Variants in ANOS1 observed in about 807,000 individuals in gnomAD.
ANOS1 encodes anosmin 1, also known as anosmin-1.
ANOS1 carries 6 observed loss-of-function variants against 59.0 expected under a neutral mutation model. That is an observed-to-expected ratio of 0.10 (90% CI 0.06 to 0.20). ANOS1 has a LOEUF of 0.20. ANOS1 is among the 10% of genes least tolerant of loss of function. ANOS1 has a pLI of 1.00. For missense variants in ANOS1, 433 were observed against 542.3 expected (o/e 0.80, Z 2.00); for synonymous variants, 217 against 223.4 (o/e 0.97, Z 0.25).
intron 1 of ANOS1, among the ~76,000 whole-genome samples, chrX:8,720,148 C>T (rs186663709): frequency 8.9e-6 from 1 of 111,827 alleles, no homozygotes; most frequent in East Asian, 2.8e-4. Flanking sequence ...AAAACCCAAA[C>T]AAAAGGCAAT....
At chrX:8,541,441 T>A (rs147884357) in intron 9 of ANOS1, among the ~76,000 whole-genome samples, 583 of 56,323 alleles carry the variant, frequency 0.01, 3 homozygotes, top group Non-Finnish European at 0.014. Flanking sequence ...AACAAAAAAA[T>A]AAAACAAAAA....
chrX:8,619,382 GATC>G (rs1261014719), intron 3 of ANOS1, among the ~76,000 whole-genome samples: 123 of 111,695 alleles, frequency 1.1e-3, no homozygotes, highest in Non-Finnish European at 1.4e-3. Context: ...AAGGCGGGCG[GATC>G]ACAAGGTCAG....
intron 3 of ANOS1, among the ~76,000 whole-genome samples, chrX:8,620,073 C>G (rs894321014): frequency 8.9e-6 from 1 of 112,157 alleles, no homozygotes; most frequent in Admixed American, 9.5e-5. Context: ...GCTGATATTA[C>G]AGGCATTAGC....
chrX:8,715,443 T>C (rs1195739561), intron 1 of ANOS1, among the ~76,000 whole-genome samples: 1 of 85,124 alleles, frequency 1.2e-5, no homozygotes, highest in African/African-American at 4.2e-5. Flanking sequence ...TTTTTCTTTT[T>C]CTTTTTTTTT....
At chrX:8,608,355 T>C (rs1177477737) in intron 3 of ANOS1, among the ~76,000 whole-genome samples, 1 of 111,641 alleles carries the variant, frequency 9.0e-6, no homozygotes, top group Non-Finnish European at 1.9e-5. Context: ...ATGTAAATAA[T>C]TTCTTTTAAA....
chrX:8,535,910 A>G (rs1210771930), intron 11 of ANOS1, 99 bp from the exon 12 acceptor site: 1 of 638,790 alleles, frequency 1.6e-6, no homozygotes, highest in Admixed American at 2.5e-5. Context: ...CTATGGGATG[A>G]TATTAATAGA....
intron 3 of ANOS1, among the ~76,000 whole-genome samples, chrX:8,613,968 G>A (rs911197520): frequency 8.9e-6 from 1 of 112,144 alleles, no homozygotes; most frequent in African/African-American, 3.2e-5. Flanking sequence ...AATACCATAT[G>A]CCTACTGAAC....
intron 3 of ANOS1, among the ~76,000 whole-genome samples, chrX:8,620,509 C>T (rs1403330617): frequency 8.9e-6 from 1 of 111,833 alleles, no homozygotes; most frequent in African/African-American, 3.3e-5. Flanking sequence ...GCATTCTTAA[C>T]AAATAATGTG....
intron 10 of ANOS1, among the ~76,000 whole-genome samples, chrX:8,538,319 G>C (rs1929630213): frequency 8.9e-6 from 1 of 112,416 alleles, no homozygotes; most frequent in Non-Finnish European, 1.9e-5. Context: ...AGCAGTAAGT[G>C]AATTAGTGGA....
chrX:8,675,238 C>T (rs1354923252), intron 2 of ANOS1, among the ~76,000 whole-genome samples: 1 of 111,897 alleles, frequency 8.9e-6, no homozygotes, highest in African/African-American at 3.2e-5. Context: ...GAAAAAGAGA[C>T]TCCAAAGTAT....
rs1232326556 is a variant in ANOS1, at chrX:8,530,765, G to A, written c.*2230C>T. On this transcript the variant is annotated 3_prime_UTR_variant, in exon 14 of 14. Transcript: ENST00000262648. The stretch of plus-strand genomic sequence containing the variant: ...TTTTGTATCTATGCAGAGACTCCCA[G>A]CATTTTTAACTATGCAACAGTACAA... The A allele has an allele frequency of 1.8e-5, 2 of 110,079 alleles. No individual in the cohort carries two copies. Among genetic ancestry groups the A allele is most frequent in the African/African-American group, 3.3e-5 (1 of 30,436 alleles). 9.1% of individuals were successfully genotyped at this position (110,079 alleles called of 1,213,427 possible). A position where few individuals can be genotyped will look rare whatever the true frequency, so the allele number is the denominator to read the frequency against.
intron 2 of ANOS1, among the ~76,000 whole-genome samples, chrX:8,677,110 G>A (rs1433341641): frequency 9.0e-6 from 1 of 111,426 alleles, no homozygotes; most frequent in Admixed American, 9.6e-5. Context: ...CACTCAGCAC[G>A]TGAAATGTGA....
At chrX:8,712,414 A>G (rs1000149161) in intron 1 of ANOS1, among the ~76,000 whole-genome samples, 1 of 112,484 alleles carries the variant, frequency 8.9e-6, no homozygotes, top group African/African-American at 3.2e-5. Context: ...GGGTTAGGAC[A>G]TCAACATATG....
At chrX:8,578,220 A>G (rs755368479) in intron 6 of ANOS1, among the ~76,000 whole-genome samples, 57 of 111,212 alleles carry the variant, frequency 5.1e-4, no homozygotes, top group Admixed American at 3.5e-3. Context: ...TAACTGTGTC[A>G]CAAAGTTTTC....
At chrX:8,552,285 C>A (rs756261955) in intron 9 of ANOS1, among the ~76,000 whole-genome samples, 4 of 112,073 alleles carry the variant, frequency 3.6e-5, no homozygotes, top group Non-Finnish European at 7.5e-5. Context: ...TTTTGGAAAA[C>A]TATTAATGTT....
At chrX:8,639,780 C>T (rs1484641397) in intron 2 of ANOS1, among the ~76,000 whole-genome samples, 1 of 112,073 alleles carries the variant, frequency 8.9e-6, no homozygotes, top group Admixed American at 9.5e-5. Flanking sequence ...TTGGAGGTTA[C>T]ACATCTGTCA....
At chrX:8,704,412 C>T in intron 1 of ANOS1, among the ~76,000 whole-genome samples, 1 of 111,698 alleles carries the variant, frequency 9.0e-6, no homozygotes, top group Non-Finnish European at 1.9e-5. Context: ...CCCTCCTGCC[C>T]TGCCCCACAC....
intron 9 of ANOS1, among the ~76,000 whole-genome samples, chrX:8,545,640 G>T (rs768541149): frequency 8.9e-6 from 1 of 111,867 alleles, no homozygotes; most frequent in South Asian, 3.7e-4. Flanking sequence ...AGTAAAGAAA[G>T]CTAATATTTG....
chrX:8,657,911 G>A (rs1931961192), intron 2 of ANOS1, among the ~76,000 whole-genome samples: 1 of 111,145 alleles, frequency 9.0e-6, no homozygotes, highest in African/African-American at 3.3e-5. Context: ...TGAGTACCTG[G>A]GGGTCACCTG....
Sources: allele counts gnomAD v4.1 joint callset (sites outside exome capture counted in the v4.1 genomes callset), GRCh38; gene constraint gnomAD v4.1.1; transcripts MANE v1.5; gene names NCBI Gene and HGNC (gene_info 2026-07-23, HGNC 2026-07-21).